The following GTF2A1 variants were observed in gnomAD, a reference collection of about 807,000 sequenced individuals.
The protein encoded by GTF2A1 is general transcription factor IIA subunit 1, also known as transcription initiation factor IIA subunit 1.
In GTF2A1, 12 loss-of-function variants were observed where a neutral mutation model predicts 54.1. That is an observed-to-expected ratio of 0.22 (90% CI 0.14 to 0.36). The LOEUF (loss-of-function observed/expected upper bound fraction) is 0.36, where lower values mean the gene tolerates loss of function less well. Among genes scored for constraint, GTF2A1 ranks in the 10% least tolerant of loss-of-function variants. GTF2A1 has a pLI of 1.00. For missense variants in GTF2A1, 335 were observed against 442.2 expected (o/e 0.76, Z 2.17); for synonymous variants, 145 against 152.0 (o/e 0.95, Z 0.34).
rs1428106449 is a variant in GTF2A1 at position 81,211,873 on chromosome 14, CTTTA to C, written c.132+4536_132+4539del. ...ACACATAATTAGAGTGTATCAAGTA[CTTTA>C]TATATATATATATATATATATATAT... On this transcript the variant is annotated intron_variant, in intron 2 of 8. Coordinates refer to ENST00000553612, the MANE Select transcript of GTF2A1 (RefSeq NM_015859.4). 1.7e-3 allele frequency among the ~76,000 whole-genome samples: 167 copies of C among 99,246 alleles called. 11 individuals carry two copies. The highest frequency in any genetic ancestry group is 2.9e-3 in the Admixed American group (31 of 10,870). The allele number at this position is 99,246 out of a possible 152,430, so 65.1% of individuals were successfully genotyped here. A position where few individuals can be genotyped will look rare whatever the true frequency, so the allele number is the denominator to read the frequency against.
intron 2 of GTF2A1, among the ~76,000 whole-genome samples, chr14:81,207,792 T>C (rs904474259): frequency 2.0e-5 from 3 of 152,238 alleles, no homozygotes; most frequent in Admixed American, 6.5e-5. Flanking sequence ...ACCCTTGTTA[T>C]GTGTTAGCAA....
Position 81,180,065 on chromosome 14 carries a change from G to A in GTF2A1, c.*158C>T. On this transcript the variant is annotated 3_prime_UTR_variant, in exon 9 of 9. Coordinates refer to ENST00000553612, the MANE Select transcript of GTF2A1 (RefSeq NM_015859.4). ...TGGCTTGCCAGTAAGTAGTGTCTAT[G>A]TTGTCAAGGTCTATCTTTGTTCCAG... is the stretch of plus-strand genomic sequence containing the variant. 1 of 195,736 alleles carries A rather than the reference G, an allele frequency of 5.1e-6. No homozygotes were observed. Among genetic ancestry groups the A allele is most frequent in the Non-Finnish European group, 1.1e-5 (1 of 94,490 alleles). The allele number at this position is 195,736 out of a possible 1,614,324, so 12.1% of individuals were successfully genotyped here. A position where few individuals can be genotyped will look rare whatever the true frequency, so the allele number is the denominator to read the frequency against.
chr14:81,180,242 A>G lies in GTF2A1; in HGVS notation c.1112T>C (p.Ile371Thr), dbSNP rs200244214. The G allele has an allele frequency of 1.0e-5, 14 of 1,352,312 alleles. No homozygotes were observed. Among genetic ancestry groups the G allele is most frequent in the East Asian group, 2.4e-5 (1 of 42,394 alleles). 83.8% of individuals were successfully genotyped at this position (1,352,312 alleles called of 1,614,324 possible). A position where few individuals can be genotyped will look rare whatever the true frequency, so the allele number is the denominator to read the frequency against. The change falls in exon 9 of 9, where the codon ATT becomes ACT. Residue 371 changes from isoleucine (I) to threonine (T), a missense_variant. Transcript: ENST00000553612. ...NGRDYIFSKA[I>T]GDAEW ...AACTCTTCACCATTCTGCATCTCCA[A>G]TGGCTTTGGAAAATATATAATCTCT...
intron 2 of GTF2A1, among the ~76,000 whole-genome samples, chr14:81,213,652 C>T (rs1029126556): frequency 2.6e-5 from 4 of 152,140 alleles, no homozygotes; most frequent in African/African-American, 9.7e-5. Flanking sequence ...TTACTTCATG[C>T]TACTTGAACA....
At chr14:81,187,354 CAA>C (rs112765325) in intron 7 of GTF2A1, among the ~76,000 whole-genome samples, 17 of 103,664 alleles carry the variant, frequency 1.6e-4, no homozygotes, top group Admixed American at 1.1e-4. Context: ...AACTCCGTCT[CAA>C]AAAAAAAAAA....
intron 2 of GTF2A1, among the ~76,000 whole-genome samples, chr14:81,208,800 G>GT (rs1893299074): frequency 6.6e-6 from 1 of 152,174 alleles, no homozygotes; most frequent in Admixed American, 6.5e-5. Context: ...GAGTTTTAAC[G>GT]TAAGACTGCC....
chr14:81,203,804 A>C (rs1450458247), intron 3 of GTF2A1, 96 bp downstream of exon 3: 7 of 1,096,576 alleles, frequency 6.4e-6, no homozygotes, highest in Non-Finnish European at 9.7e-6. Flanking sequence ...TGTGCCCCTT[A>C]AAAGACAAGA....
chr14:81,213,430 A>G (rs1893417757), intron 2 of GTF2A1, among the ~76,000 whole-genome samples: 1 of 152,196 alleles, frequency 6.6e-6, no homozygotes, highest in African/African-American at 2.4e-5. Flanking sequence ...AGTAGATAAC[A>G]ATCTAGACTG....
At chr14:81,199,206 T>G (rs1244839021) in intron 4 of GTF2A1, among the ~76,000 whole-genome samples, 2 of 152,194 alleles carry the variant, frequency 1.3e-5, no homozygotes, top group African/African-American at 4.8e-5. Flanking sequence ...CAAACTGACA[T>G]AGTAGTTTCC....
At chr14:81,212,374 A>G (rs898405271) in intron 2 of GTF2A1, among the ~76,000 whole-genome samples, 1 of 152,212 alleles carries the variant, frequency 6.6e-6, no homozygotes, top group Non-Finnish European at 1.5e-5. Context: ...ATTCGAATAT[A>G]GATTTACTGA....
rs763943006 is a variant in GTF2A1, at chr14:81,180,328, T to A, written c.1026A>T (p.Ile342=). The part of the protein sequence containing the change: ...ENVVVCQYDK[I]HRSKNKWKFH... ...ATTTCCATTTGTTTTTACTTCTGTG[T>A]ATCTAAACAAAAACAACATTTTAAA... is the stretch of plus-strand genomic sequence containing the variant. The change falls in exon 9 of 9, where the codon ATA becomes ATT. Residue 342 remains isoleucine (I), a splice_region_variant and synonymous_variant. Coordinates refer to ENST00000553612, the MANE Select transcript of GTF2A1 (RefSeq NM_015859.4). 8.0e-7 allele frequency: 1 copy of A among 1,250,874 alleles called. No individual in the cohort carries two copies. The highest frequency in any genetic ancestry group is 1.2e-6 in the Non-Finnish European group (1 of 863,182). The allele number at this position is 1,250,874 out of a possible 1,614,324, so 77.5% of individuals were successfully genotyped here.
chr14:81,220,618 T>C lies in GTF2A1; in HGVS notation c.-100A>G, dbSNP rs1289624646. 1 of 927,256 alleles carries C rather than the reference T, an allele frequency of 1.1e-6. No individual in the cohort carries two copies. The highest frequency in any genetic ancestry group is 1.6e-6 in the Non-Finnish European group (1 of 638,446). 57.4% of individuals were successfully genotyped at this position (927,256 alleles called of 1,614,324 possible). On this transcript the variant is annotated 5_prime_UTR_variant, in exon 1 of 9. Transcript: ENST00000553612. ...TATAACACCCGGAGGGTGACCCAAA[T>C]CACCGCAAGATTGGGGAAAAAATTT...
chr14:81,185,673 GA>G (rs969621618), intron 7 of GTF2A1, 53 bp from the exon 8 acceptor site: 2,910 of 812,164 alleles, frequency 3.6e-3, no homozygotes, highest in South Asian at 5.1e-3. Context: ...AATATTCACT[GA>G]AAAAAAAAAT....
At chr14:81,218,268 T>C (rs955651706) in intron 1 of GTF2A1, among the ~76,000 whole-genome samples, 1 of 152,276 alleles carries the variant, frequency 6.6e-6, no homozygotes, top group African/African-American at 2.4e-5. Flanking sequence ...GATCCAGACA[T>C]GTGTAGGTAT....
At chr14:81,219,813 C>CT (rs561864246) in intron 1 of GTF2A1, among the ~76,000 whole-genome samples, 1 of 152,110 alleles carries the variant, frequency 6.6e-6, no homozygotes, top group East Asian at 1.9e-4. Flanking sequence ...CCACTGCAGG[C>CT]TTTTTTTGTT....
In GTF2A1 at chr14:81,196,010, AAG is replaced by A. The variant is rs762076655; in HGVS notation, c.612+96_612+97del. On this transcript the variant is annotated intron_variant, in intron 6 of 8. Transcript: ENST00000553612. Reference sequence around the variant, plus strand: ...AACAACTGGGTCTGTAGCACTGAAAAAGAGTCTTTTGTGCATATAAGGAGAGG... The same window carrying A: ...AACAACTGGGTCTGTAGCACTGAAAAAGTCTTTTGTGCATATAAGGAGAGG... 1.8e-4 allele frequency: 193 copies of A among 1,061,818 alleles called. 1 individual carries two copies. In the East Asian group the frequency reaches 3.8e-3, roughly 21 times the overall value. 65.8% of individuals were successfully genotyped at this position (1,061,818 alleles called of 1,614,324 possible).
In GTF2A1 at chr14:81,192,541, G is replaced by A. The variant is rs760576204; in HGVS notation, c.911C>T (p.Ala304Val). 3.1e-6 allele frequency: 5 copies of A among 1,610,658 alleles called. No individual in the cohort carries two copies. Among genetic ancestry groups the A allele is most frequent in the Non-Finnish European group, 4.2e-6 (5 of 1,178,154 alleles). ...TACTTCTTCCACCTGCCCATCTTCA[G>A]CTCCATCTTTCTCTTTGTCTTCCTC... ...DEEEDKEKDG[A>V]EDGQVEEEPL... Residue 304 changes from alanine to valine, a missense_variant, in exon 7 of 9, where the codon GCT (alanine) becomes GTT (valine). Physicochemically the swap from Ala to Val is moderately conservative, Grantham distance 64. Around this residue, in one of 2 missense-constraint regions of GTF2A1, gnomAD observed 306 missense variants for 360.4 expected, o/e 0.85. Transcript: ENST00000553612.
At chr14:81,213,338 TGCTCATTCTCTTCG>T (rs1452574909) in intron 2 of GTF2A1, among the ~76,000 whole-genome samples, 3 of 152,218 alleles carry the variant, frequency 2.0e-5, no homozygotes, top group African/African-American at 7.2e-5. Flanking sequence ...GTCTCAAAGA[TGCTCATTCTCTTCG>T]AGAGAATGTC....
rs1416863951 is a variant in GTF2A1, at chr14:81,216,529, T to C, written c.31-15A>G. ...TATAATTTAGGCTTTAAAGGAAAAA[T>C]AAAAGACTTGAAAAAGACAGTTTTT... On this transcript the variant is annotated splice_polypyrimidine_tract_variant and intron_variant, in intron 1 of 8. Transcript: ENST00000553612. The C allele has an allele frequency of 8.4e-7, 1 of 1,184,438 alleles. No homozygotes were observed. Among genetic ancestry groups the C allele is most frequent in the Non-Finnish European group, 1.2e-6 (1 of 805,522 alleles). 73.4% of individuals were successfully genotyped at this position (1,184,438 alleles called of 1,614,324 possible). A position where few individuals can be genotyped will look rare whatever the true frequency, so the allele number is the denominator to read the frequency against.
Sources: allele counts gnomAD v4.1 joint callset (sites outside exome capture counted in the v4.1 genomes callset), GRCh38; gene constraint gnomAD v4.1.1; regional missense constraint gnomAD v4.1.1; transcripts MANE v1.5; gene names NCBI Gene and HGNC (gene_info 2026-07-23, HGNC 2026-07-21).